Variants in RTTN observed in about 807,000 individuals in gnomAD.
The protein encoded by RTTN is rotatin.
Under a neutral mutation model 269.2 loss-of-function variants are expected in RTTN, and 182 were observed. That is an observed-to-expected ratio of 0.68 (90% CI 0.60 to 0.76). The LOEUF (loss-of-function observed/expected upper bound fraction) is 0.76. Ranked by LOEUF, RTTN falls within the 30% of genes least tolerant of loss-of-function variation. The pLI, the probability that RTTN is intolerant of heterozygous loss-of-function variation, is 0.00. For synonymous variants in RTTN, 1,006 were observed against 963.5 expected, an observed-to-expected ratio of 1.04 and a Z score of -0.82; for missense variants, 2,545 against 2,608.6, an observed-to-expected ratio of 0.98 and a Z score of 0.53.
chr18:70,204,256 G>A lies in RTTN; in HGVS notation c.227C>T (p.Pro76Leu), dbSNP rs114765225. ...AACGTCAACCAAATGTTGGACTGCT[G>A]GGGGATACTAAAATAAGAAGAGGAT... ...NLLSRLVKYP[P>L]AVQHLVDVGA... Residue 76 changes from proline (P) to leucine (L), a missense_variant, in exon 3 of 49, where the codon CCA becomes CTA. Coordinates refer to ENST00000640769, the MANE Select transcript of RTTN (RefSeq NM_173630.4). 1,420 of 1,603,916 alleles carry A rather than the reference G, an allele frequency of 8.9e-4. 15 individuals are homozygous for A. In the African/African-American group the frequency reaches 0.016, roughly 18 times the overall value.
chr18:70,203,281 C>T (rs2061997711), intron 3 of RTTN, among the ~76,000 whole-genome samples: 1 of 152,036 alleles, frequency 6.6e-6, no homozygotes, highest in African/African-American at 2.4e-5. Flanking sequence ...CTCACCGTTG[C>T]AACCTCCGCC....
intron 26 of RTTN, among the ~76,000 whole-genome samples, chr18:70,116,885 A>C (rs1194525557): frequency 6.7e-6 from 1 of 148,422 alleles, no homozygotes; most frequent in African/African-American, 2.4e-5. Context: ...AGAAGAAAAA[A>C]ACTAACAGCC....
At chr18:70,080,928 T>A (rs59422233) in intron 32 of RTTN, among the ~76,000 whole-genome samples, 6 of 146,894 alleles carry the variant, frequency 4.1e-5, no homozygotes, top group Non-Finnish European at 6.0e-5. Flanking sequence ...GTGTGTGGTA[T>A]CACACACACA....
In RTTN at chr18:70,088,473, T is replaced by C. The variant is rs181201112; in HGVS notation, c.4144-326A>G. On this transcript the variant is annotated intron_variant, in intron 30 of 48. Transcript: ENST00000640769. ...TGAACACAATTTCAATTCTTCATTCTTAAAAAAGGTAGCTATTCTTTGTTC... is the reference window on the plus strand; with the variant it reads ...TGAACACAATTTCAATTCTTCATTCCTAAAAAAGGTAGCTATTCTTTGTTC... 2.0e-5 allele frequency among the ~76,000 whole-genome samples: 3 copies of C among 152,342 alleles called. No homozygotes were observed. The East Asian group carries it at 5.8e-4, about 29-fold the overall frequency.
At chr18:70,114,744 T>C in intron 26 of RTTN, 145 bp from the exon 27 acceptor site, 1 of 470,196 alleles carries the variant, frequency 2.1e-6, no homozygotes, top group Non-Finnish European at 3.6e-6. Context: ...AGTAGAGATG[T>C]TCTAAATTCA....
At position 70,107,138 on chromosome 18, in the gene RTTN, G is replaced by A. The variant is rs532768484; in HGVS notation, c.3903+2360C>T. Reference sequence around the variant, plus strand: ...ACAAAGATGTAGGACACTCTGTTGCGGAGAAGCCCATGCCGTGCTGCAGTA... The same window carrying A: ...ACAAAGATGTAGGACACTCTGTTGCAGAGAAGCCCATGCCGTGCTGCAGTA... On this transcript the variant is annotated intron_variant, in intron 28 of 48. Transcript: ENST00000640769. Among the ~76,000 whole-genome samples, 18 of 152,304 alleles carry A rather than the reference G, an allele frequency of 1.2e-4. No individual in the cohort carries two copies. The East Asian group carries it at 2.1e-3, about 18-fold the overall frequency.
At chr18:70,017,886 T>C (rs1227271937) in intron 45 of RTTN, among the ~76,000 whole-genome samples, 1 of 152,214 alleles carries the variant, frequency 6.6e-6, no homozygotes, top group Non-Finnish European at 1.5e-5. Context: ...TAATTCCTGC[T>C]AATTATTTCC....
intron 35 of RTTN, among the ~76,000 whole-genome samples, chr18:70,063,498 C>T (rs1037248025): frequency 1.3e-5 from 2 of 151,960 alleles, no homozygotes; most frequent in Admixed American, 6.6e-5. Flanking sequence ...TCCAGGTGTT[C>T]GAGACTACAA....
At chr18:70,099,678 T>A (rs2059104264) in intron 28 of RTTN, among the ~76,000 whole-genome samples, 1 of 152,220 alleles carries the variant, frequency 6.6e-6, no homozygotes, top group Admixed American at 6.5e-5. Context: ...TGAATGGTAT[T>A]GCCTAGGTTT....
At chr18:70,033,842 A>G (rs1037158133) in intron 40 of RTTN, among the ~76,000 whole-genome samples, 18 of 148,640 alleles carry the variant, frequency 1.2e-4, no homozygotes, top group Admixed American at 6.2e-4. Context: ...TGAAGAAACG[A>G]GAAAAGATCC....
chr18:70,102,458 T>A (rs927747974), intron 28 of RTTN, among the ~76,000 whole-genome samples: 1 of 152,182 alleles, frequency 6.6e-6, no homozygotes, highest in Non-Finnish European at 1.5e-5. Flanking sequence ...TTTGAGCCTA[T>A]GTATGTCTCT....
At chr18:70,202,201 T>C (rs2061971558) in intron 3 of RTTN, among the ~76,000 whole-genome samples, 1 of 152,354 alleles carries the variant, frequency 6.6e-6, no homozygotes, top group Non-Finnish European at 1.5e-5. Context: ...CTCTCACTTT[T>C]ACTGTTAGCC....
In RTTN at chr18:70,053,023, T is replaced by C. The variant is rs183173247; in HGVS notation, c.5185+1108A>G. 3.5e-4 allele frequency among the ~76,000 whole-genome samples: 54 copies of C among 152,262 alleles called. 2 individuals are homozygous for C. The East Asian group carries it at 7.0e-3, about 20-fold the overall frequency. On this transcript the variant is annotated intron_variant, in intron 38 of 48. Transcript: ENST00000640769. ...TAAAAAGCATTCACAAGGCAGCCAA[T>C]AGCAGCCAAGATACACAGACCACCT...
At chr18:70,173,527 A>C (rs965261538) in intron 11 of RTTN, among the ~76,000 whole-genome samples, 2 of 151,056 alleles carry the variant, frequency 1.3e-5, no homozygotes, top group Non-Finnish European at 2.9e-5. Flanking sequence ...TAGAGTTTGG[A>C]CTATATGCTC....
intron 21 of RTTN, among the ~76,000 whole-genome samples, chr18:70,137,232 G>C (rs921901577): frequency 6.6e-6 from 1 of 152,152 alleles, no homozygotes; most frequent in African/African-American, 2.4e-5. Flanking sequence ...TTCTCTCTCA[G>C]TAGCAAAGTA....
chr18:70,166,256 A>C (rs2060983482), intron 13 of RTTN, 68 bp from the exon 14 acceptor site: 4 of 1,514,546 alleles, frequency 2.6e-6, no homozygotes, highest in Non-Finnish European at 3.6e-6. Context: ...ACTGCAAAGC[A>C]TACTGGAAGG....
At chr18:70,011,126 C>T (rs2056359129) in intron 46 of RTTN, among the ~76,000 whole-genome samples, 1 of 152,052 alleles carries the variant, frequency 6.6e-6, no homozygotes, top group Non-Finnish European at 1.5e-5. Context: ...AGCCCGGGAC[C>T]AGATGAATTC....
chr18:70,060,184 C>T (rs1315676899), intron 35 of RTTN, 142 bp from the exon 36 acceptor site: 1 of 763,766 alleles, frequency 1.3e-6, no homozygotes. Flanking sequence ...CTCATCTTAA[C>T]CTTGAGGTTA....
At chr18:70,103,767 A>AC (rs2059243212) in intron 28 of RTTN, among the ~76,000 whole-genome samples, 1 of 150,800 alleles carries the variant, frequency 6.6e-6, no homozygotes, top group South Asian at 2.1e-4. Context: ...TACTTCAAAA[A>AC]AAAAAAAAAA....
Sources: allele counts gnomAD v4.1 joint callset (sites outside exome capture counted in the v4.1 genomes callset), GRCh38; gene constraint gnomAD v4.1.1; transcripts MANE v1.5; gene names NCBI Gene and HGNC (gene_info 2026-07-23, HGNC 2026-07-21).